Variants in PRKCA observed in about 807,000 individuals in gnomAD.
PRKCA encodes protein kinase C alpha, also known as protein kinase C alpha type.
PRKCA carries 27 observed loss-of-function variants against 87.0 expected under a neutral mutation model. The observed-to-expected ratio is 0.31, with a 90% CI of 0.23 to 0.43. The LOEUF is 0.43. Among genes scored for constraint, PRKCA ranks in the 20% least tolerant of loss-of-function variants. PRKCA has a pLI of 1.00. For missense variants in PRKCA, 518 were observed against 852.3 expected (o/e 0.61, Z 4.88); for synonymous variants, 329 against 311.1 (o/e 1.06, Z -0.61).
At chr17:66,355,780 AG>A (rs1425687790) in intron 2 of PRKCA, among the ~76,000 whole-genome samples, 2 of 152,238 alleles carry the variant, frequency 1.3e-5, no homozygotes, top group African/African-American at 4.8e-5. Flanking sequence ...TGTATATTCA[AG>A]TAATAGAATA....
chr17:66,580,051 G>A (rs924644876), intron 3 of PRKCA, among the ~76,000 whole-genome samples: 20 of 152,048 alleles, frequency 1.3e-4, no homozygotes, highest in Admixed American at 8.5e-4. Context: ...ATGCACAGGC[G>A]GCTTTCCACA....
intron 13 of PRKCA, among the ~76,000 whole-genome samples, chr17:66,768,864 G>C (rs968279712): frequency 6.6e-6 from 1 of 152,158 alleles, no homozygotes; most frequent in African/African-American, 2.4e-5. Flanking sequence ...ACCATATTGG[G>C]AGGTAAGTAG....
intron 2 of PRKCA, among the ~76,000 whole-genome samples, chr17:66,324,752 A>G (rs1260073938): frequency 1.3e-5 from 2 of 152,208 alleles, no homozygotes; most frequent in African/African-American, 2.4e-5. Context: ...ATCTGTGTAA[A>G]TGAGGGAATT....
At chr17:66,635,198 C>A (rs1971118160) in intron 3 of PRKCA, among the ~76,000 whole-genome samples, 1 of 152,094 alleles carries the variant, frequency 6.6e-6, no homozygotes, top group Admixed American at 6.5e-5. Context: ...GATCAGATGT[C>A]CAGGTTTATA....
intron 8 of PRKCA, among the ~76,000 whole-genome samples, chr17:66,718,103 G>A (rs1973521543): frequency 6.6e-6 from 1 of 152,156 alleles, no homozygotes. Flanking sequence ...TTCTGTCTTA[G>A]TCCACTCGGG....
intron 2 of PRKCA, among the ~76,000 whole-genome samples, chr17:66,417,788 T>G (rs1015592334): frequency 6.6e-6 from 1 of 152,102 alleles, no homozygotes; most frequent in Non-Finnish European, 1.5e-5. Flanking sequence ...TCTGTTGAAA[T>G]CCAATTTAAA....
chr17:66,623,466 A>G (rs2143704370), intron 3 of PRKCA, among the ~76,000 whole-genome samples: 1 of 152,326 alleles, frequency 6.6e-6, no homozygotes, highest in African/African-American at 2.4e-5. Context: ...TTCAGCAAAC[A>G]TGTATTGAGC....
intron 3 of PRKCA, among the ~76,000 whole-genome samples, chr17:66,608,069 G>A (rs775328517): frequency 6.6e-5 from 10 of 151,824 alleles, no homozygotes; most frequent in Admixed American, 1.3e-4. Flanking sequence ...GACTTCTGTC[G>A]TCTGCTGGTC....
intron 2 of PRKCA, chr17:66,403,779 A>T (rs968707123): frequency 1.3e-5 from 2 of 152,250 alleles, no homozygotes; most frequent in African/African-American, 4.8e-5. Flanking sequence ...GCATAACATT[A>T]GTTTTCAATA....
chr17:66,320,427 A>T (rs1475215931), intron 2 of PRKCA, among the ~76,000 whole-genome samples: 1 of 151,976 alleles, frequency 6.6e-6, no homozygotes, highest in Admixed American at 6.6e-5. Context: ...AACAAAGCAG[A>T]CGTGAGATTC....
At chr17:66,539,473 G>C (rs59783780) in intron 3 of PRKCA, among the ~76,000 whole-genome samples, 5 of 150,356 alleles carry the variant, frequency 3.3e-5, no homozygotes, top group African/African-American at 1.2e-4. Context: ...GCGTGATCTC[G>C]GCTCACTGCA....
intron 16 of PRKCA, among the ~76,000 whole-genome samples, chr17:66,801,533 G>A (rs1020818619): frequency 1.3e-5 from 2 of 152,332 alleles, no homozygotes; most frequent in Admixed American, 1.3e-4. Flanking sequence ...ACAGACTCCC[G>A]ATTAATTTCT....
At chr17:66,429,840 G>A (rs1226371038) in intron 2 of PRKCA, among the ~76,000 whole-genome samples, 1 of 152,196 alleles carries the variant, frequency 6.6e-6, no homozygotes, top group Non-Finnish European at 1.5e-5. Flanking sequence ...AATGCTGGGA[G>A]TGGTGGTTTA....
At chr17:66,304,151 G>A (rs1305327062) in intron 1 of PRKCA, among the ~76,000 whole-genome samples, 1 of 152,172 alleles carries the variant, frequency 6.6e-6, no homozygotes, top group Non-Finnish European at 1.5e-5. Context: ...AACTCGGAGG[G>A]TCCCTGGGGG....
intron 3 of PRKCA, among the ~76,000 whole-genome samples, chr17:66,625,332 A>G (rs565410047): frequency 1.3e-5 from 2 of 152,364 alleles, no homozygotes; most frequent in African/African-American, 2.4e-5. Flanking sequence ...GGAGAGGGAT[A>G]TGAACACTGT....
intron 2 of PRKCA, among the ~76,000 whole-genome samples, chr17:66,454,950 G>A (rs1914511401): frequency 6.6e-6 from 1 of 152,222 alleles, no homozygotes; most frequent in African/African-American, 2.4e-5. Context: ...GCAGGTGCCT[G>A]ACCACAGGAT....
intron 2 of PRKCA, among the ~76,000 whole-genome samples, chr17:66,311,630 A>G (rs985067214): frequency 1.4e-4 from 21 of 152,146 alleles, no homozygotes; most frequent in Admixed American, 1.4e-3. Flanking sequence ...AAACAAAACC[A>G]AACAATAACA....
At position 66,686,991 on chromosome 17, in the gene PRKCA, C is replaced by T. The variant is rs9912611; in HGVS notation, c.530-120C>T. On this transcript the variant is annotated intron_variant, in intron 5 of 16. Transcript: ENST00000413366. ...AGTGTTAGAGGCTTTTGGCTTCCACCATCTGTCTCCTTAAACGCCATTCTG... is the reference window on the plus strand; with the variant it reads ...AGTGTTAGAGGCTTTTGGCTTCCACTATCTGTCTCCTTAAACGCCATTCTG... The T allele has an allele frequency of 3.3e-3, 2,995 of 894,830 alleles. 60 individuals are homozygous for T. The African/African-American group carries it at 0.041, about 12-fold the overall frequency. The allele number at this position is 894,830 out of a possible 1,614,324, so 55.4% of individuals were successfully genotyped here.
chr17:66,394,393 T>C (rs981865592), intron 2 of PRKCA, among the ~76,000 whole-genome samples: 4 of 152,168 alleles, frequency 2.6e-5, no homozygotes, highest in Admixed American at 2.0e-4. Flanking sequence ...TTCCGAAGTA[T>C]TGGCTTAGCA....
Sources: gnomAD v4.1 joint callset for allele counts (sites outside exome capture counted in the v4.1 genomes callset) on GRCh38, gnomAD v4.1.1 for gene constraint, MANE v1.5 for transcripts, NCBI Gene and HGNC (gene_info 2026-07-23, HGNC 2026-07-21) for gene names.